Variants in SORCS1 observed in about 807,000 individuals in gnomAD.
SORCS1 encodes VPS10 domain-containing receptor SorCS1.
In SORCS1, 60 loss-of-function variants were observed where a neutral mutation model predicts 146.1. The observed-to-expected ratio is 0.41, with a 90% CI of 0.33 to 0.51. The LOEUF (loss-of-function observed/expected upper bound fraction) is 0.51. SORCS1 is among the 20% of genes least tolerant of loss of function. The pLI, the probability that SORCS1 is intolerant of heterozygous loss-of-function variation, is 0.21. For synonymous variants in SORCS1, 637 were observed against 584.0 expected, an observed-to-expected ratio of 1.09 and a Z score of -1.31; for missense variants, 1,352 against 1,487.6, an observed-to-expected ratio of 0.91 and a Z score of 1.50.
chr10:107,166,386 G>A (rs1466996490), upstream of SORCS1, among the ~76,000 whole-genome samples: 2 of 152,190 alleles, frequency 1.3e-5, no homozygotes, highest in Non-Finnish European at 2.9e-5. Context: ...CTAAGTTCTT[G>A]TTCTTACGAC....
Position 106,712,712 on chromosome 10 carries a change from C to T in SORCS1, c.1025-3371G>A, listed in dbSNP as rs148594687. Among the ~76,000 whole-genome samples the T allele has an allele frequency of 3.2e-4, 49 of 152,250 alleles. No individual in the cohort carries two copies. In the East Asian group the frequency reaches 7.9e-3, roughly 25 times the overall value. ...AATATTTCTGTTTTCTGTTTTGCCA[C>T]CTTTCATAATGATGAGAAATTTTGG... On this transcript the variant is annotated intron_variant, in intron 6 of 25. Coordinates refer to ENST00000263054, the MANE Select transcript of SORCS1 (RefSeq NM_052918.5).
At chr10:106,780,880 AC>A (rs543975150) in intron 3 of SORCS1, among the ~76,000 whole-genome samples, 87 of 152,280 alleles carry the variant, frequency 5.7e-4, no homozygotes, top group Admixed American at 1.2e-3. Flanking sequence ...ATCATTCATC[AC>A]CCACTTCAGA....
chr10:107,173,897 A>C, the SORCS1 span, among the ~76,000 whole-genome samples: 1 of 152,140 alleles, frequency 6.6e-6, no homozygotes, highest in Non-Finnish European at 1.5e-5. Flanking sequence ...TAATGCATCA[A>C]GTTTGTCAAA....
At chr10:106,714,013 T>A (rs775986251) in intron 6 of SORCS1, among the ~76,000 whole-genome samples, 8 of 151,760 alleles carry the variant, frequency 5.3e-5, no homozygotes, top group Non-Finnish European at 1.2e-4. Flanking sequence ...GTGCCTGTAA[T>A]CCCAGCTACT....
At chr10:106,633,714 C>G (rs1041022162) in intron 18 of SORCS1, among the ~76,000 whole-genome samples, 1 of 152,194 alleles carries the variant, frequency 6.6e-6, no homozygotes, top group African/African-American at 2.4e-5. Flanking sequence ...AAATTATATG[C>G]ACCTTTCTGT....
rs1351102877 is a variant in SORCS1 at position 106,620,635 on chromosome 10, A to T, written c.2663-74T>A. ...GCTCTGTCCTCCCTGCTCTGAAGAGATCACACATTTACTCTTGAAGCCCCC... is the reference window on the plus strand; with the variant it reads ...GCTCTGTCCTCCCTGCTCTGAAGAGTTCACACATTTACTCTTGAAGCCCCC... On this transcript the variant is annotated intron_variant, in intron 19 of 25. Coordinates refer to ENST00000263054, the MANE Select transcript of SORCS1 (RefSeq NM_052918.5). 3 of 1,513,850 alleles carry T rather than the reference A, an allele frequency of 2.0e-6. No homozygotes were observed. The Admixed American group carries it at 6.3e-5, about 32-fold the overall frequency. The allele number at this position is 1,513,850 out of a possible 1,614,324, so 93.8% of individuals were successfully genotyped here. A position where few individuals can be genotyped will look rare whatever the true frequency, so the allele number is the denominator to read the frequency against.
intron 1 of SORCS1, among the ~76,000 whole-genome samples, chr10:107,103,006 A>G (rs765691064): frequency 2.6e-4 from 40 of 152,130 alleles, no homozygotes; most frequent in Non-Finnish European, 4.7e-4. Flanking sequence ...TTTTTTGCCT[A>G]TCTAATTCGT....
At chr10:106,893,811 TG>T (rs1220421287) in intron 2 of SORCS1, among the ~76,000 whole-genome samples, 1 of 152,216 alleles carries the variant, frequency 6.6e-6, no homozygotes, top group Admixed American at 6.5e-5. Flanking sequence ...CCTTCAAAAA[TG>T]GATAATTATC....
At chr10:106,942,156 T>TC (rs1564835109) in intron 2 of SORCS1, among the ~76,000 whole-genome samples, 1 of 152,148 alleles carries the variant, frequency 6.6e-6, no homozygotes, top group Non-Finnish European at 1.5e-5. Flanking sequence ...TTCACAGAGT[T>TC]CCCCGGGGAC....
At chr10:106,891,807 G>A (rs1012829362) in intron 2 of SORCS1, among the ~76,000 whole-genome samples, 8 of 152,118 alleles carry the variant, frequency 5.3e-5, no homozygotes, top group African/African-American at 1.9e-4. Context: ...TTTTTAGTTT[G>A]ATAAAGACAT....
intron 2 of SORCS1, among the ~76,000 whole-genome samples, chr10:106,954,375 G>T (rs535964483): frequency 8.8e-4 from 134 of 152,282 alleles, no homozygotes; most frequent in Admixed American, 1.8e-3. Context: ...CTGATGAAGG[G>T]TTACAGAATT....
At chr10:106,639,795 G>A (rs1436069877) in intron 18 of SORCS1, among the ~76,000 whole-genome samples, 1 of 152,104 alleles carries the variant, frequency 6.6e-6, no homozygotes, top group Non-Finnish European at 1.5e-5. Flanking sequence ...ACTGATACCT[G>A]CCTCACGAGG....
chr10:107,023,263 A>C (rs1034406447), intron 1 of SORCS1, among the ~76,000 whole-genome samples: 1 of 152,168 alleles, frequency 6.6e-6, no homozygotes, highest in Non-Finnish European at 1.5e-5. Flanking sequence ...TTTCACTGCC[A>C]CACAAGGATT....
intron 1 of SORCS1, among the ~76,000 whole-genome samples, chr10:107,032,743 A>C (rs1249708329): frequency 6.6e-6 from 1 of 152,140 alleles, no homozygotes; most frequent in Non-Finnish European, 1.5e-5. Flanking sequence ...TATTGCTGAA[A>C]CTGTTCACTG....
intron 1 of SORCS1, among the ~76,000 whole-genome samples, chr10:107,113,605 G>A (rs185203727): frequency 6.6e-5 from 10 of 150,394 alleles, no homozygotes; most frequent in African/African-American, 2.0e-4. Context: ...CAGGAGAATC[G>A]CTTGAACCCG....
chr10:106,994,033 C>T (rs533182615), intron 1 of SORCS1, among the ~76,000 whole-genome samples: 1 of 125,476 alleles, frequency 8.0e-6, no homozygotes, highest in African/African-American at 3.1e-5. Context: ...TGCAGCACTC[C>T]AGCCTGGGTG....
intron 1 of SORCS1, among the ~76,000 whole-genome samples, chr10:107,018,627 GTT>G (rs1957998949): frequency 6.6e-6 from 1 of 150,746 alleles, no homozygotes; most frequent in African/African-American, 2.4e-5. Context: ...CAATTTTTTT[GTT>G]ATAAGTGCCT....
chr10:107,180,030 C>A, the SORCS1 span, among the ~76,000 whole-genome samples: 1 of 150,266 alleles, frequency 6.7e-6, no homozygotes, highest in Non-Finnish European at 1.5e-5. Context: ...AATCATCCCA[C>A]CTCAGCTTCC....
At chr10:106,706,462 A>C in intron 8 of SORCS1, 83 bp downstream of exon 8, 2 of 1,341,340 alleles carry the variant, frequency 1.5e-6, no homozygotes, top group Non-Finnish European at 2.1e-6. Context: ...TGAGAGGCTG[A>C]AAGAGTCCTT....
Sources: gnomAD v4.1 joint callset for allele counts (sites outside exome capture counted in the v4.1 genomes callset) on GRCh38, gnomAD v4.1.1 for gene constraint, MANE v1.5 for transcripts, NCBI Gene and HGNC (gene_info 2026-07-23, HGNC 2026-07-21) for gene names.